Variants in RANBP2 observed in about 807,000 individuals in gnomAD.
RANBP2 encodes E3 SUMO-protein ligase RanBP2.
A neutral mutation model predicts 303.6 loss-of-function variants in RANBP2; 57 were observed. The ratio of observed to expected loss-of-function variants is 0.19; its 90% CI spans 0.15 to 0.23. The LOEUF is 0.23. Among genes scored for constraint, RANBP2 ranks in the 10% least tolerant of loss-of-function variants. RANBP2 has a pLI of 1.00. For missense variants in RANBP2, 3,138 were observed against 3,780.8 expected (o/e 0.83, Z 4.46); for synonymous variants, 1,167 against 1,301.5 (o/e 0.90, Z 2.23).
the RANBP2 span, among the ~76,000 whole-genome samples, chr2:108,929,563 C>G: frequency 6.6e-6 from 1 of 152,224 alleles, no homozygotes; most frequent in East Asian, 1.9e-4. Flanking sequence ...CTGGGCTTGC[C>G]CCTCTCCTCG....
the RANBP2 span, chr2:109,128,948 C>T: frequency 2.5e-6 from 1 of 407,870 alleles, no homozygotes; most frequent in Non-Finnish European, 4.9e-6. Flanking sequence ...TCCCTGAGCC[C>T]CGCAGTGACC....
the RANBP2 span, among the ~76,000 whole-genome samples, chr2:109,577,795 A>G: frequency 4.0e-5 from 6 of 149,244 alleles, no homozygotes; most frequent in African/African-American, 1.2e-4. Context: ...TGACTGCAGT[A>G]CCAGCTACAC....
intron 17 of RANBP2, among the ~76,000 whole-genome samples, chr2:108,756,783 A>G (rs1165102565): frequency 4.6e-5 from 7 of 152,224 alleles, no homozygotes; most frequent in African/African-American, 1.7e-4. Flanking sequence ...TATCTTTAAA[A>G]TGAGAGAATT....
chr2:109,582,314 T>C, the RANBP2 span, among the ~76,000 whole-genome samples: 1 of 152,072 alleles, frequency 6.6e-6, no homozygotes. Flanking sequence ...CTCAACGCTA[T>C]TGCTGTTTTT....
chr2:108,875,320 A>AAT, the RANBP2 span, among the ~76,000 whole-genome samples: 3 of 4,838 alleles, frequency 6.2e-4, no homozygotes, highest in Non-Finnish European at 2.1e-3. Context: ...AAAGTATAAT[A>AAT]AAAAAAAAAA....
chr2:109,565,696 G>T, the RANBP2 span: 1 of 1,292,478 alleles, frequency 7.7e-7, no homozygotes, highest in South Asian at 1.2e-5. Flanking sequence ...CCCCAAAGAA[G>T]GCATGACAGG....
the RANBP2 span, among the ~76,000 whole-genome samples, chr2:109,131,693 T>G: frequency 6.6e-6 from 1 of 152,216 alleles, no homozygotes; most frequent in Non-Finnish European, 1.5e-5. Context: ...CTTTTAGAAC[T>G]TGTCAAAGGG....
chr2:109,599,578 C>G, the RANBP2 span, among the ~76,000 whole-genome samples: 2 of 151,972 alleles, frequency 1.3e-5, no homozygotes. Context: ...GGTGTCAGTA[C>G]AGCAAGGCTT....
At chr2:108,963,352 T>C in the RANBP2 span, among the ~76,000 whole-genome samples, 6 of 152,182 alleles carry the variant, frequency 3.9e-5, no homozygotes, top group African/African-American at 1.4e-4. Context: ...TCAAAATCTG[T>C]TTCTAGGATG....
chr2:108,788,854 G>C, downstream of RANBP2: 1 of 1,614,014 alleles, frequency 6.2e-7, no homozygotes, highest in Non-Finnish European at 8.5e-7. Context: ...GTTGACAGGT[G>C]ATTTGGATAT....
the RANBP2 span, chr2:109,614,323 G>A: frequency 4.7e-6 from 3 of 636,062 alleles, no homozygotes; most frequent in Non-Finnish European, 6.6e-6. Context: ...GTGTCCGCCC[G>A]GGCGCGGCCC....
chr2:109,348,066 T>G, the RANBP2 span: 1 of 1,377,544 alleles, frequency 7.3e-7, no homozygotes, highest in East Asian at 2.5e-5. Context: ...GAATCCTGGC[T>G]CCTCCCGGAA....
the RANBP2 span, among the ~76,000 whole-genome samples, chr2:109,149,801 G>T: frequency 1.3e-5 from 2 of 152,232 alleles, no homozygotes; most frequent in African/African-American, 4.8e-5. Context: ...GAGATGCTTT[G>T]TAGTGCAGGT....
the RANBP2 span, among the ~76,000 whole-genome samples, chr2:109,468,698 A>T: frequency 6.6e-6 from 1 of 151,742 alleles, no homozygotes; most frequent in Admixed American, 6.6e-5. Context: ...TATTAAAAAT[A>T]AAAAAATGAG....
the RANBP2 span, among the ~76,000 whole-genome samples, chr2:108,934,818 G>A: frequency 6.6e-6 from 1 of 152,174 alleles, no homozygotes; most frequent in Non-Finnish European, 1.5e-5. Context: ...CTGTTCACTG[G>A]GGATTAAGGG....
the RANBP2 span, among the ~76,000 whole-genome samples, chr2:109,541,162 C>A: frequency 8.5e-5 from 13 of 152,334 alleles, no homozygotes; most frequent in Middle Eastern, 3.4e-3. Context: ...TGGCAAGAAG[C>A]AATTCTGATT....
the RANBP2 span, among the ~76,000 whole-genome samples, chr2:109,660,661 A>T: frequency 6.6e-6 from 1 of 152,202 alleles, no homozygotes; most frequent in Non-Finnish European, 1.5e-5. Context: ...TGGCCCAGGG[A>T]GGGGCTGACG....
At chr2:108,924,366 G>C in the RANBP2 span, among the ~76,000 whole-genome samples, 1 of 152,158 alleles carries the variant, frequency 6.6e-6, no homozygotes, top group African/African-American at 2.4e-5. Flanking sequence ...CCTTCCCTCT[G>C]CAGGCTCTAG....
At chr2:109,437,843 A>G in the RANBP2 span, among the ~76,000 whole-genome samples, 1 of 152,166 alleles carries the variant, frequency 6.6e-6, no homozygotes, top group Non-Finnish European at 1.5e-5. Context: ...GCTAATAAGA[A>G]CTGCTGATGC....
Sources: allele counts gnomAD v4.1 joint callset (sites outside exome capture counted in the v4.1 genomes callset), GRCh38; gene constraint gnomAD v4.1.1; transcripts MANE v1.5; gene names NCBI Gene and HGNC (gene_info 2026-07-23, HGNC 2026-07-21).